TRPM7: variants seen among roughly 807,000 people sequenced by gnomAD.
TRPM7 encodes transient receptor potential cation channel subfamily M member 7.
Under a neutral mutation model 229.7 loss-of-function variants are expected in TRPM7, and 134 were observed. The ratio of observed to expected loss-of-function variants is 0.58; its 90% CI spans 0.51 to 0.67. The LOEUF (loss-of-function observed/expected upper bound fraction) is 0.67, where lower values mean the gene tolerates loss of function less well. TRPM7 is among the 30% of genes least tolerant of loss of function. TRPM7 has a pLI of 0.00. For missense variants in TRPM7, 1,901 were observed against 2,210.0 expected, an observed-to-expected ratio of 0.86 and a Z score of 2.80; for synonymous variants, 699 against 715.2, an observed-to-expected ratio of 0.98 and a Z score of 0.36.
chr15:50,620,624 C>A (rs917306436), intron 12 of TRPM7, among the ~76,000 whole-genome samples: 1 of 152,090 alleles, frequency 6.6e-6, no homozygotes, highest in Non-Finnish European at 1.5e-5. Context: ...CTTTGCTCTG[C>A]CTTCTTTTTA....
intron 8 of TRPM7, among the ~76,000 whole-genome samples, chr15:50,633,924 C>A (rs1449882742): frequency 1.3e-5 from 2 of 152,156 alleles, no homozygotes; most frequent in Non-Finnish European, 2.9e-5. Flanking sequence ...ATTTCCTCAA[C>A]CCTTAACAAA....
At chr15:50,605,201 A>C in intron 20 of TRPM7, 57 bp from the exon 21 acceptor site, 1 of 1,356,946 alleles carries the variant, frequency 7.4e-7, no homozygotes. Flanking sequence ...ATTAAAACAC[A>C]TACAGCATTC....
chr15:50,626,904 T>C (rs972717493), intron 11 of TRPM7, among the ~76,000 whole-genome samples: 11 of 152,174 alleles, frequency 7.2e-5, no homozygotes, highest in African/African-American at 2.4e-4. Flanking sequence ...AAAGGTACTA[T>C]TAACTACACA....
At position 50,686,554 on chromosome 15, in the gene TRPM7, C is replaced by T; in HGVS notation, c.-21G>A. 6.2e-7 allele frequency: 1 copy of T among 1,609,678 alleles called. No homozygotes were observed. Among genetic ancestry groups the T allele is most frequent in the Non-Finnish European group, 8.5e-7 (1 of 1,177,592 alleles). The stretch of plus-strand genomic sequence containing the variant: ...ACCATTCTCCTCACGGGGCGGACTC[C>T]GGAAGGGCAGCAACTCCACCTCCTC... On this transcript the variant is annotated 5_prime_UTR_variant, in exon 1 of 39. Transcript: ENST00000646667.
chr15:50,605,138 T>C lies in TRPM7; in HGVS notation c.2716A>G (p.Met906Val). 1 of 1,590,110 alleles carries C rather than the reference T, an allele frequency of 6.3e-7. No individual in the cohort carries two copies. ...TGGTTTACTTTCCCAGCTTCAGACATAAAGATCTAAAGGTTTAACAACAAC... is the reference window on the plus strand; with the variant it reads ...TGGTTTACTTTCCCAGCTTCAGACACAAAGATCTAAAGGTTTAACAACAAC... ...YAIEKVREIFMSEAGKVNQKI... is the reference protein window; with the variant it reads ...YAIEKVREIFVSEAGKVNQKI... Residue 906 changes from methionine to valine, a missense_variant, in exon 21 of 39, where the codon ATG (methionine) becomes GTG (valine). By Grantham distance (21) the Met-to-Val change is conservative. Transcript: ENST00000646667.
At chr15:50,681,264 TACACACACACACACACAC>T (rs72070923) in intron 1 of TRPM7, among the ~76,000 whole-genome samples, 1 of 146,906 alleles carries the variant, frequency 6.8e-6, no homozygotes, top group Non-Finnish European at 1.5e-5. Flanking sequence ...AATAAATAAA[TACACACACACACACACAC>T]ACACACACAC....
chr15:50,675,946 T>G (rs1377213079), intron 1 of TRPM7, among the ~76,000 whole-genome samples: 1 of 152,194 alleles, frequency 6.6e-6, no homozygotes, highest in East Asian at 1.9e-4. Context: ...TTGTGCAAGT[T>G]TCAGAGCCTC....
At chr15:50,671,212 C>T (rs1012722684) in intron 1 of TRPM7, among the ~76,000 whole-genome samples, 1 of 152,076 alleles carries the variant, frequency 6.6e-6, no homozygotes, top group African/African-American at 2.4e-5. Context: ...CAATCCCCAC[C>T]CAAGTCCCTG....
chr15:50,589,908 AGT>A (rs2059443498), intron 26 of TRPM7, among the ~76,000 whole-genome samples: 1 of 151,882 alleles, frequency 6.6e-6, no homozygotes, highest in Admixed American at 6.6e-5. Context: ...CCCAGGCTGG[AGT>A]GCAGTGGTGT....
intron 11 of TRPM7, 93 bp downstream of exon 11, chr15:50,628,056 G>T: frequency 1.2e-6 from 1 of 863,014 alleles, no homozygotes; most frequent in Non-Finnish European, 1.9e-6. Context: ...TTGGCAGAAA[G>T]GTAAAATGTC....
chr15:50,586,524 AT>A (rs1291116311), intron 27 of TRPM7, 36 bp from the exon 28 acceptor site: 1 of 1,402,550 alleles, frequency 7.1e-7, no homozygotes, highest in Non-Finnish European at 1.0e-6. Flanking sequence ...TTTGAAAATA[AT>A]TGAACTAAAT....
intron 11 of TRPM7, among the ~76,000 whole-genome samples, chr15:50,627,286 A>G (rs1462374711): frequency 6.6e-6 from 1 of 152,072 alleles, no homozygotes; most frequent in African/African-American, 2.4e-5. Flanking sequence ...TTAGAAAAAA[A>G]TAGCAGGGAA....
chr15:50,686,462 G>T (rs1480251035), intron 1 of TRPM7, 69 bp downstream of exon 1: 2 of 1,613,194 alleles, frequency 1.2e-6, no homozygotes, highest in African/African-American at 1.3e-5. Flanking sequence ...ACACTTGCCT[G>T]CCAAGTCTCT....
chr15:50,603,135 C>A (rs2059823362), intron 21 of TRPM7, among the ~76,000 whole-genome samples: 1 of 151,978 alleles, frequency 6.6e-6, no homozygotes, highest in South Asian at 2.1e-4. Context: ...AAAAACAGTA[C>A]ACCAGTTATT....
At chr15:50,599,462 A>G (rs8036121) in intron 21 of TRPM7, 166 bp from the exon 22 acceptor site, 5,844 of 493,932 alleles carry the variant, frequency 0.012, 309 homozygotes, top group African/African-American at 0.1. Flanking sequence ...TTTCATCACT[A>G]TATAAATCTT....
intron 23 of TRPM7, among the ~76,000 whole-genome samples, chr15:50,595,486 T>C (rs1278589718): frequency 6.6e-6 from 1 of 151,622 alleles, no homozygotes. Flanking sequence ...CAGGTAGCCA[T>C]TAAAAATAGA....
Position 50,596,361 on chromosome 15 carries a change from T to A in TRPM7, c.3184A>T (p.Ile1062Phe). 5 of 1,597,118 alleles carry A rather than the reference T, an allele frequency of 3.1e-6. No homozygotes were observed. Among genetic ancestry groups the A allele is most frequent in the Non-Finnish European group, 2.6e-6 (3 of 1,175,556 alleles). Residue 1062 changes from isoleucine to phenylalanine, a missense_variant, in exon 23 of 39, where the codon ATC becomes TTC. By Grantham distance (21) the Ile-to-Phe change is conservative. This residue lies in a region of TRPM7 where 89 missense variants were observed against 178.2 expected (regional missense o/e 0.50). Coordinates refer to ENST00000646667, the MANE Select transcript of TRPM7 (RefSeq NM_017672.6). ...EIDVCANDSV[I>F]PQICGPGTWL... ...GTCCCAGGACCACAGATTTGAGGGA[T>A]AACAGAATCATTTGCACACACTTTA...
In TRPM7 at chr15:50,560,136, TAAG is replaced by T. The variant is rs1287149042; in HGVS notation, c.*1539_*1541del. On this transcript the variant is annotated 3_prime_UTR_variant, in exon 39 of 39. Transcript: ENST00000646667. ...TTTGGCCTAACAAAAAACAGATTTC[TAAG>T]AAGACAGTAAGAAATCAGTATTAAT... 1 of 151,996 alleles carries T rather than the reference TAAG, an allele frequency of 6.6e-6. No individual in the cohort carries two copies. Among genetic ancestry groups the T allele is most frequent in the African/African-American group, 2.4e-5 (1 of 41,364 alleles). 9.4% of individuals were successfully genotyped at this position (151,996 alleles called of 1,614,324 possible). A position where few individuals can be genotyped will look rare whatever the true frequency, so the allele number is the denominator to read the frequency against.
intron 3 of TRPM7, among the ~76,000 whole-genome samples, chr15:50,656,618 G>A (rs1031263190): frequency 2.0e-5 from 3 of 151,430 alleles, no homozygotes; most frequent in South Asian, 2.1e-4. Context: ...TTACAGGCGC[G>A]AACCATCACA....
Sources: allele counts gnomAD v4.1 joint callset (sites outside exome capture counted in the v4.1 genomes callset), GRCh38; gene constraint gnomAD v4.1.1; regional missense constraint gnomAD v4.1.1; transcripts MANE v1.5; gene names NCBI Gene and HGNC (gene_info 2026-07-23, HGNC 2026-07-21).